The following PDE4DIP variants were observed in gnomAD, a reference collection of about 807,000 sequenced individuals.
The protein encoded by PDE4DIP is phosphodiesterase 4D interacting protein.
A neutral mutation model predicts 221.4 loss-of-function variants in PDE4DIP; 59 were observed. The observed-to-expected ratio is 0.27, with a 90% CI of 0.22 to 0.33. The LOEUF is 0.33. Among genes scored for constraint, PDE4DIP ranks in the 10% least tolerant of loss-of-function variants. PDE4DIP has a pLI of 1.00. For missense variants in PDE4DIP, 1,036 were observed against 2,154.2 expected (o/e 0.48, Z 10.28); for synonymous variants, 404 against 815.9 (o/e 0.50, Z 8.60).
At chr1:148,959,466 T>G (rs587710766) in intron 5 of PDE4DIP, among the ~76,000 whole-genome samples, 12 of 152,224 alleles carry the variant, frequency 7.9e-5, no homozygotes, top group Admixed American at 3.3e-4. Context: ...GGTAATCAAG[T>G]CTGAAAGTGT....
At chr1:148,995,529 T>G (rs782389183) in intron 22 of PDE4DIP, among the ~76,000 whole-genome samples, 1 of 152,058 alleles carries the variant, frequency 6.6e-6, no homozygotes, top group Non-Finnish European at 1.5e-5. Context: ...ACAGAGGCCT[T>G]TGTGGGGCAG....
intron 1 of PDE4DIP, among the ~76,000 whole-genome samples, chr1:148,922,996 GGCACAATCTCGGCCCACTGCAACCTCT>G (rs2045819779): frequency 7.1e-6 from 1 of 141,644 alleles, no homozygotes. Context: ...GGAGTACAGT[GGCACAATCTCGGCCCACTGCAACCTCT>G]GCCTCCTGGG....
At chr1:148,938,674 G>A (rs1553477204) in intron 5 of PDE4DIP, among the ~76,000 whole-genome samples, 1 of 152,136 alleles carries the variant, frequency 6.6e-6, no homozygotes, top group Non-Finnish European at 1.5e-5. Context: ...TTCTCTGTTT[G>A]TATATATTGG....
chr1:148,986,004 C>T (rs2061850098), intron 21 of PDE4DIP: 1 of 152,094 alleles, frequency 6.6e-6, no homozygotes. Context: ...TGCATTTATA[C>T]CAGCATGTTT....
In PDE4DIP at chr1:148,968,905, C is replaced by T. The variant is rs367612221; in HGVS notation, c.1855C>T (p.Arg619Cys). Residue 619 changes from arginine to cysteine, a missense_variant, in exon 14 of 44, where the codon CGT (arginine) becomes TGT (cysteine). By Grantham distance (180) the Arg-to-Cys change is radical. Transcript: ENST00000369354. ...TGAGATAGCAGAGGAGCTGTGCCAG[C>T]GTCTACAGCGAAAGGAAAGGATGCT... is the stretch of plus-strand genomic sequence containing the variant. The T allele has an allele frequency of 3.0e-5, 48 of 1,613,624 alleles. No homozygotes were observed. The South Asian group carries it at 4.3e-4, about 14-fold the overall frequency.
chr1:148,997,855 C>T (rs1400449457), intron 22 of PDE4DIP, among the ~76,000 whole-genome samples: 16 of 152,342 alleles, frequency 1.1e-4, no homozygotes, highest in African/African-American at 2.4e-4. Flanking sequence ...GTTTCAACCT[C>T]GTTTGTTTGC....
chr1:149,010,640 T>C, intron 31 of PDE4DIP, 45 bp downstream of exon 34: 1 of 1,596,150 alleles, frequency 6.3e-7, no homozygotes, highest in South Asian at 1.1e-5. Flanking sequence ...CCTCTTTCTC[T>C]GCTGCCTGTT....
intron 32 of PDE4DIP, among the ~76,000 whole-genome samples, chr1:149,016,087 C>T (rs1322370829): frequency 7.0e-6 from 1 of 143,310 alleles, no homozygotes; most frequent in Non-Finnish European, 1.5e-5. Context: ...TTATTCTCTA[C>T]CTCTTGTGTC....
At chr1:148,818,023 G>T (rs1339575364) in intron 1 of PDE4DIP, among the ~76,000 whole-genome samples, 1 of 149,350 alleles carries the variant, frequency 6.7e-6, no homozygotes, top group African/African-American at 2.5e-5. Flanking sequence ...CACCATGTTG[G>T]CCAGGGTGGT....
intron 1 of PDE4DIP, among the ~76,000 whole-genome samples, chr1:148,820,706 T>A (rs868924948): frequency 7.0e-6 from 1 of 142,664 alleles, no homozygotes; most frequent in Admixed American, 6.9e-5. Flanking sequence ...ATAACCCTAC[T>A]TTTTTTTTGG....
At chr1:148,996,312 G>C (rs112384961) in intron 22 of PDE4DIP, among the ~76,000 whole-genome samples, 2 of 152,346 alleles carry the variant, frequency 1.3e-5, no homozygotes, top group African/African-American at 4.8e-5. Flanking sequence ...TACTCGGAAA[G>C]AGTTTATATA....
At chr1:148,982,943 C>G (rs751549250) in intron 21 of PDE4DIP, 1 of 152,054 alleles carries the variant, frequency 6.6e-6, no homozygotes, top group East Asian at 1.9e-4. Context: ...AGAAAATGCT[C>G]TACTGGGGAA....
chr1:148,994,570 T>C (rs1465244210), intron 22 of PDE4DIP, among the ~76,000 whole-genome samples: 82 of 146,584 alleles, frequency 5.6e-4, no homozygotes, highest in Non-Finnish European at 1.0e-3. Flanking sequence ...TATACATTTA[T>C]GGGGTATATG....
intron 21 of PDE4DIP, chr1:148,990,248 A>T: frequency 2.0e-6 from 2 of 984,516 alleles, no homozygotes; most frequent in Non-Finnish European, 2.4e-6. Context: ...AGGCTGAGCA[A>T]CCCTTAAAGC....
chr1:148,929,548 G>GT (rs1222259168), intron 2 of PDE4DIP: 1 of 372,412 alleles, frequency 2.7e-6, no homozygotes, highest in African/African-American at 2.1e-5. Context: ...AACAGTGAAT[G>GT]TTTCCACTTT....
Position 148,976,248 on chromosome 1 carries a change from AG to A in PDE4DIP, c.2319+1645del, listed in dbSNP as rs1436487700. Among the ~76,000 whole-genome samples, 6 of 152,336 alleles carry A rather than the reference AG, an allele frequency of 3.9e-5. No individual in the cohort carries two copies. The East Asian group carries it at 1.2e-3, about 29-fold the overall frequency. On this transcript the variant is annotated intron_variant, in intron 17 of 43. Coordinates refer to ENST00000369354, the Ensembl canonical transcript of PDE4DIP. Reference sequence around the variant, plus strand: ...TTTAGCTATTGCTAAATTCCTTTAAAGGTTTTATTTAAAATAACTTGTCTTA... The same window carrying A: ...TTTAGCTATTGCTAAATTCCTTTAAAGTTTTATTTAAAATAACTTGTCTTA...
intron 1 of PDE4DIP, among the ~76,000 whole-genome samples, chr1:148,859,821 T>C (rs1331150993): frequency 7.7e-6 from 1 of 130,476 alleles, no homozygotes; most frequent in Non-Finnish European, 1.6e-5. Context: ...TGTGTGTGTG[T>C]GTGTGTGTAT....
chr1:148,996,715 C>T (rs2064308103), intron 22 of PDE4DIP, among the ~76,000 whole-genome samples: 1 of 152,208 alleles, frequency 6.6e-6, no homozygotes, highest in African/African-American at 2.4e-5. Flanking sequence ...TAGCAAAAGT[C>T]AGTGGCTTCG....
At chr1:149,005,170 C>T (rs1288801467) in exon 27 of PDE4DIP, 1 of 1,614,026 alleles carries the variant, frequency 6.2e-7, no homozygotes, top group Admixed American at 1.7e-5. Flanking sequence ...CGGTCCCTCT[C>T]AGTTACAAGT....
Sources: allele counts gnomAD v4.1 joint callset (sites outside exome capture counted in the v4.1 genomes callset), GRCh38; gene constraint gnomAD v4.1.1; transcripts MANE v1.5; gene names NCBI Gene and HGNC (gene_info 2026-07-23, HGNC 2026-07-21).